The following TBPL1 variants were observed in gnomAD, a reference collection of about 807,000 sequenced individuals.
The protein encoded by TBPL1 is TATA box-binding protein-like 1.
TBPL1 carries 4 observed loss-of-function variants against 22.1 expected under a neutral mutation model. That is an observed-to-expected ratio of 0.18 (90% CI 0.09 to 0.41). The LOEUF (loss-of-function observed/expected upper bound fraction) is 0.41, where lower values mean the gene tolerates loss of function less well. TBPL1 is among the 10% of genes least tolerant of loss of function. The pLI is 1.00. For synonymous variants in TBPL1, 64 were observed against 71.0 expected (o/e 0.90, Z 0.50); for missense variants, 115 against 222.3 (o/e 0.52, Z 3.07).
In TBPL1 at chr6:133,986,998, G is replaced by A; in HGVS notation, c.519G>A (p.Gln173=). The change falls in exon 7 of 7, where the codon CAG becomes CAA. Residue 173 remains glutamine, a synonymous_variant. Transcript: ENST00000237264. The part of the protein sequence containing the change: ...NVKAVATAVE[Q]IYPFVFESRK... ...AGGCTGTTGCTACTGCTGTGGAACAGATTTACCCATTTGTGTTTGAAAGCA... is the reference window on the plus strand; with the variant it reads ...AGGCTGTTGCTACTGCTGTGGAACAAATTTACCCATTTGTGTTTGAAAGCA... The A allele has an allele frequency of 6.2e-7, 1 of 1,610,230 alleles. No homozygotes were observed. Among genetic ancestry groups the A allele is most frequent in the Non-Finnish European group, 8.5e-7 (1 of 1,178,208 alleles).
At chr6:133,960,037 C>G (rs910332634) in intron 1 of TBPL1, among the ~76,000 whole-genome samples, 4 of 152,126 alleles carry the variant, frequency 2.6e-5, no homozygotes, top group African/African-American at 7.2e-5. Flanking sequence ...AGCGTTTTTC[C>G]TCTCACCTAC....
chr6:133,959,150 G>C (rs986060565), intron 1 of TBPL1, among the ~76,000 whole-genome samples: 1 of 151,834 alleles, frequency 6.6e-6, no homozygotes, highest in African/African-American at 2.4e-5. Flanking sequence ...AGTGATTCTT[G>C]TGCCTCAGAC....
chr6:133,973,951 C>T (rs1195363515), intron 1 of TBPL1, among the ~76,000 whole-genome samples: 1 of 150,006 alleles, frequency 6.7e-6, no homozygotes, highest in African/African-American at 2.5e-5. Context: ...TTATATTAAA[C>T]CTAACATATA....
intron 1 of TBPL1, among the ~76,000 whole-genome samples, chr6:133,954,097 G>T (rs1335053150): frequency 2.0e-5 from 3 of 152,204 alleles, no homozygotes; most frequent in East Asian, 3.8e-4. Flanking sequence ...AATAGGGCAT[G>T]AGGGCTTAAA....
intron 1 of TBPL1, among the ~76,000 whole-genome samples, chr6:133,970,637 C>G (rs1268323344): frequency 1.1e-4 from 17 of 150,328 alleles, no homozygotes; most frequent in Admixed American, 1.1e-3. Context: ...GAGACAGGGT[C>G]TCACTCTGTC....
In TBPL1 at chr6:133,984,659, A is replaced by G. The variant is rs751172636; in HGVS notation, c.469A>G (p.Ile157Val). 5 of 1,611,180 alleles carry G rather than the reference A, an allele frequency of 3.1e-6. No individual in the cohort carries two copies. In the South Asian group the frequency reaches 3.3e-5, roughly 11 times the overall value. Residue 157 changes from isoleucine (I) to valine (V), a missense_variant, in exon 6 of 7, where the codon ATC becomes GTC. Transcript: ENST00000237264. ...ATLQIFSTGS[I>V]TVTGPNVKAV... ...ATTACAGATTTTTTCAACAGGAAGT[A>G]TCACAGTAACAGGTATTCTATGATA...
chr6:133,966,074 GAGAC>G (rs1776113068), intron 1 of TBPL1, among the ~76,000 whole-genome samples: 1 of 152,144 alleles, frequency 6.6e-6, no homozygotes, highest in Non-Finnish European at 1.5e-5. Flanking sequence ...GAGACAGAGA[GAGAC>G]AGAAAGAAAC....
At chr6:133,980,028 A>G in intron 1 of TBPL1, 54 bp from the exon 2 acceptor site, 1 of 1,249,894 alleles carries the variant, frequency 8.0e-7, no homozygotes, top group South Asian at 2.3e-5. Context: ...AAAATTGTGA[A>G]AAGTGAATTA....
At chr6:133,958,821 A>G (rs911994388) in intron 1 of TBPL1, among the ~76,000 whole-genome samples, 4 of 152,104 alleles carry the variant, frequency 2.6e-5, no homozygotes, top group Admixed American at 1.3e-4. Flanking sequence ...TGCAGGGTAA[A>G]GTGTTATAAT....
chr6:133,986,327 GATTTAA>G (rs1375558498), intron 6 of TBPL1, among the ~76,000 whole-genome samples: 1 of 152,132 alleles, frequency 6.6e-6, no homozygotes, highest in Non-Finnish European at 1.5e-5. Flanking sequence ...TCTTTTTAGC[GATTTAA>G]ATGAAAGATT....
chr6:133,960,492 C>T (rs1776003075), intron 1 of TBPL1, among the ~76,000 whole-genome samples: 1 of 150,756 alleles, frequency 6.6e-6, no homozygotes, highest in Non-Finnish European at 1.5e-5. Context: ...TTGAAACTTC[C>T]ACTTCAGTGC....
At chr6:133,964,266 C>T (rs187559817) in intron 1 of TBPL1, among the ~76,000 whole-genome samples, 1 of 152,044 alleles carries the variant, frequency 6.6e-6, no homozygotes, top group African/African-American at 2.4e-5. Flanking sequence ...AGTGACGCAC[C>T]CTTCAACCAG....
rs1227393362 is a variant in TBPL1, at chr6:133,987,096, A to G, written c.*56A>G. On this transcript the variant is annotated 3_prime_UTR_variant, in exon 7 of 7. Coordinates refer to ENST00000237264, the MANE Select transcript of TBPL1 (RefSeq NM_004865.4). Reference sequence around the variant, plus strand: ...TGAGCACCTTTTAAACCTGCTGCACATTGGACTCAAAAGGAAAACTGGACC... The same window carrying G: ...TGAGCACCTTTTAAACCTGCTGCACGTTGGACTCAAAAGGAAAACTGGACC... 7.8e-7 allele frequency: 1 copy of G among 1,279,260 alleles called. No homozygotes were observed. The highest frequency in any genetic ancestry group is 1.1e-6 in the Non-Finnish European group (1 of 908,180). The allele number at this position is 1,279,260 out of a possible 1,614,324, so 79.2% of individuals were successfully genotyped here. A position where few individuals can be genotyped will look rare whatever the true frequency, so the allele number is the denominator to read the frequency against.
chr6:133,968,161 G>A (rs1170163325), intron 1 of TBPL1, among the ~76,000 whole-genome samples: 1 of 151,956 alleles, frequency 6.6e-6, no homozygotes, highest in Admixed American at 6.6e-5. Context: ...GCTAATTTTT[G>A]TATTTTTAGT....
At chr6:133,973,498 G>A (rs1486419754) in intron 1 of TBPL1, among the ~76,000 whole-genome samples, 1 of 152,136 alleles carries the variant, frequency 6.6e-6, no homozygotes, top group Non-Finnish European at 1.5e-5. Flanking sequence ...TGGCCTTTCA[G>A]TTTAAATATC....
intron 1 of TBPL1, among the ~76,000 whole-genome samples, chr6:133,974,161 A>T (rs1776272863): frequency 6.6e-6 from 1 of 152,100 alleles, no homozygotes; most frequent in Non-Finnish European, 1.5e-5. Context: ...GGCAAACATT[A>T]TGGACCTCTG....
At chr6:133,984,538 G>T in intron 5 of TBPL1, 39 bp from the exon 6 acceptor site, 4 of 1,608,892 alleles carry the variant, frequency 2.5e-6, no homozygotes, top group Admixed American at 1.7e-5. Context: ...ACTAGTCAGG[G>T]TATAAATATT....
chr6:133,984,331 G>A (rs1285737556), intron 4 of TBPL1, 45 bp from the exon 5 acceptor site: 16 of 1,470,570 alleles, frequency 1.1e-5, no homozygotes, highest in Non-Finnish European at 1.5e-5. Context: ...TTTTTTGTTT[G>A]TTTGTTTCAA....
At chr6:133,981,711 G>A (rs529777029) in intron 2 of TBPL1, among the ~76,000 whole-genome samples, 53 of 152,308 alleles carry the variant, frequency 3.5e-4, no homozygotes, top group African/African-American at 1.2e-3. Flanking sequence ...AACACAAAAT[G>A]TAACAAAAAT....
Sources: allele counts gnomAD v4.1 joint callset (sites outside exome capture counted in the v4.1 genomes callset), GRCh38; gene constraint gnomAD v4.1.1; transcripts MANE v1.5; gene names NCBI Gene and HGNC (gene_info 2026-07-23, HGNC 2026-07-21).